KCNJ6: variants seen among roughly 807,000 people sequenced by gnomAD.
The protein encoded by KCNJ6 is potassium inwardly rectifying channel subfamily J member 6.
In KCNJ6, 9 loss-of-function variants were observed where a neutral mutation model predicts 34.2. The observed-to-expected ratio is 0.26, with a 90% confidence interval of 0.16 to 0.46. The LOEUF is 0.46. Among genes scored for constraint, KCNJ6 ranks in the 20% least tolerant of loss-of-function variants. The probability of loss-of-function intolerance (pLI) is 1.00; values close to 1 mark genes in which losing one functional copy is unlikely to be tolerated. For missense variants in KCNJ6, 236 were observed against 531.3 expected (o/e 0.44, Z 5.46); for synonymous variants, 196 against 207.1 (o/e 0.95, Z 0.46).
At chr21:37,705,501 T>A (rs1452054604) in intron 3 of KCNJ6, among the ~76,000 whole-genome samples, 1 of 152,244 alleles carries the variant, frequency 6.6e-6, no homozygotes. Flanking sequence ...GAGAACAGTA[T>A]GATTCACAGA....
chr21:37,655,229 GA>G (rs2054456650), intron 3 of KCNJ6, among the ~76,000 whole-genome samples: 15 of 1,680 alleles, frequency 8.9e-3, no homozygotes, highest in African/African-American at 0.045. Context: ...GTGTGTGAGA[GA>G]GAGAGAGAGA....
chr21:37,885,892 T>C (rs2055733108), intron 1 of KCNJ6, among the ~76,000 whole-genome samples: 1 of 152,234 alleles, frequency 6.6e-6, no homozygotes, highest in Non-Finnish European at 1.5e-5. Flanking sequence ...AGTAGATGAC[T>C]ACTGCATGCC....
intron 2 of KCNJ6, among the ~76,000 whole-genome samples, chr21:37,729,336 G>A (rs76021038): frequency 0.16 from 10,060 of 61,632 alleles, 665 homozygotes; most frequent in African/African-American, 0.39. Context: ...CTTCTTTTTG[G>A]GGGGGGGGGC....
chr21:37,786,999 T>C (rs1381077093), intron 2 of KCNJ6, among the ~76,000 whole-genome samples: 1 of 152,232 alleles, frequency 6.6e-6, no homozygotes, highest in Non-Finnish European at 1.5e-5. Context: ...AGAGATTGCT[T>C]TGCACATAGT....
chr21:37,899,441 TTCTC>T (rs531816506), intron 1 of KCNJ6, among the ~76,000 whole-genome samples: 5 of 152,202 alleles, frequency 3.3e-5, no homozygotes, highest in African/African-American at 9.7e-5. Flanking sequence ...CTCTGCTTCT[TTCTC>T]TCTCTTTCTC....
chr21:37,646,990 G>A (rs546237625), intron 3 of KCNJ6, among the ~76,000 whole-genome samples: 2 of 152,270 alleles, frequency 1.3e-5, no homozygotes, highest in South Asian at 2.1e-4. Context: ...AGTTAGTTTA[G>A]TTTCAACAGC....
chr21:37,897,400 C>G (rs1401641761), intron 1 of KCNJ6, among the ~76,000 whole-genome samples: 1 of 152,200 alleles, frequency 6.6e-6, no homozygotes, highest in East Asian at 1.9e-4. Context: ...GCAGAGGGAG[C>G]CTCAGCCCAA....
At chr21:37,769,141 T>C (rs2055105474) in intron 2 of KCNJ6, among the ~76,000 whole-genome samples, 1 of 152,218 alleles carries the variant, frequency 6.6e-6, no homozygotes, top group Non-Finnish European at 1.5e-5. Flanking sequence ...GACACTAGGC[T>C]GTGGTTAAGC....
intron 3 of KCNJ6, among the ~76,000 whole-genome samples, chr21:37,653,421 A>G (rs1479943157): frequency 1.3e-5 from 2 of 152,222 alleles, no homozygotes; most frequent in African/African-American, 4.8e-5. Context: ...GGTGCTGGCC[A>G]GGCTGCAGAA....
intron 3 of KCNJ6, among the ~76,000 whole-genome samples, chr21:37,666,333 C>A (rs571846940): frequency 6.6e-6 from 1 of 152,118 alleles, no homozygotes. Flanking sequence ...CTGACTCTCA[C>A]GGTTTGGACT....
At position 37,607,416 on chromosome 21, in the gene KCNJ6, A is replaced by G. The variant is rs1224473757; in HGVS notation, c.*17743T>C. ...TTATTGTTCCAGTCAAAAAAAGAGGAACACCTCAATATGTAAACAGTTTCC... is the reference window on the plus strand; with the variant it reads ...TTATTGTTCCAGTCAAAAAAAGAGGGACACCTCAATATGTAAACAGTTTCC... On this transcript the variant is annotated 3_prime_UTR_variant, in exon 4 of 4. Coordinates refer to ENST00000609713, the MANE Select transcript of KCNJ6 (RefSeq NM_002240.5). 6.7e-6 allele frequency: 1 copy of G among 149,698 alleles called. No individual in the cohort carries two copies. The highest frequency in any genetic ancestry group is 2.5e-5 in the African/African-American group (1 of 40,746). The allele number at this position is 149,698 out of a possible 1,614,324, so 9.3% of individuals were successfully genotyped here.
chr21:37,845,590 T>C (rs1234839115), intron 1 of KCNJ6, among the ~76,000 whole-genome samples: 4 of 152,238 alleles, frequency 2.6e-5, no homozygotes, highest in Admixed American at 2.0e-4. Context: ...TGAGACAATG[T>C]ATATAAATAC....
chr21:37,736,478 T>C (rs910451631), intron 2 of KCNJ6, among the ~76,000 whole-genome samples: 1 of 152,180 alleles, frequency 6.6e-6, no homozygotes, highest in African/African-American at 2.4e-5. Flanking sequence ...TGAAATGCAC[T>C]CTTGTAAATG....
intron 1 of KCNJ6, among the ~76,000 whole-genome samples, chr21:37,868,132 A>C (rs2055632282): frequency 6.6e-6 from 1 of 152,218 alleles, no homozygotes; most frequent in African/African-American, 2.4e-5. Context: ...TGTTGCCTCC[A>C]GCACTATGGG....
At chr21:37,877,163 G>A (rs1023082251) in intron 1 of KCNJ6, among the ~76,000 whole-genome samples, 2 of 152,150 alleles carry the variant, frequency 1.3e-5, no homozygotes, top group Non-Finnish European at 2.9e-5. Context: ...ACCCACCAAC[G>A]CCTAATTGGG....
intron 2 of KCNJ6, among the ~76,000 whole-genome samples, chr21:37,799,618 C>T (rs955072543): frequency 1.3e-5 from 2 of 152,158 alleles, no homozygotes; most frequent in African/African-American, 4.8e-5. Flanking sequence ...GTGAATAAAT[C>T]AGATATTCCC....
intron 2 of KCNJ6, among the ~76,000 whole-genome samples, chr21:37,757,433 T>C (rs1363669529): frequency 9.6e-4 from 40 of 41,708 alleles, no homozygotes; most frequent in South Asian, 1.5e-3. Flanking sequence ...GTGAGCACTC[T>C]CTCACAGTGT....
chr21:37,894,738 T>C (rs552934392), intron 1 of KCNJ6, among the ~76,000 whole-genome samples: 9 of 152,330 alleles, frequency 5.9e-5, no homozygotes, highest in African/African-American at 2.2e-4. Flanking sequence ...CTAGAAAATG[T>C]GGCTTTACTA....
intron 2 of KCNJ6, among the ~76,000 whole-genome samples, chr21:37,774,431 G>A (rs1280528212): frequency 6.6e-6 from 1 of 151,962 alleles, no homozygotes; most frequent in African/African-American, 2.4e-5. Flanking sequence ...CGTGTGCCAT[G>A]TTGGTGCGCT....
Sources: gnomAD v4.1 joint callset for allele counts (sites outside exome capture counted in the v4.1 genomes callset) on GRCh38, gnomAD v4.1.1 for gene constraint, MANE v1.5 for transcripts, NCBI Gene and HGNC (gene_info 2026-07-23, HGNC 2026-07-21) for gene names.